The following BUD31 variants were observed in gnomAD, a reference collection of about 807,000 sequenced individuals.
BUD31 encodes BUD31 spliceosome associated protein, also known as protein BUD31 homolog.
A neutral mutation model predicts 17.9 loss-of-function variants in BUD31; 9 were observed. That is an observed-to-expected ratio of 0.50 (90% CI 0.30 to 0.88). The LOEUF is 0.88. BUD31 is among the 40% of genes least tolerant of loss of function. BUD31 has a pLI of 0.06. For synonymous variants in BUD31, 70 were observed against 64.7 expected, an observed-to-expected ratio of 1.08 and a Z score of -0.39; for missense variants, 148 against 184.5, an observed-to-expected ratio of 0.80 and a Z score of 1.15.
rs538348305 is a variant in BUD31 at position 99,410,125 on chromosome 7, G to A, written c.-74G>A. On this transcript the variant is annotated 5_prime_UTR_variant, in exon 2 of 6. Transcript: ENST00000222969. ...AATCCAAGCCTGCAACTGCAGAGAC[G>A]AGAGATCTTTCTGCTGTCTATACTC... 6 of 152,252 alleles carry A rather than the reference G, an allele frequency of 3.9e-5. No individual in the cohort carries two copies. The highest frequency in any genetic ancestry group is 3.9e-4 in the Admixed American group (6 of 15,306). The allele number at this position is 152,252 out of a possible 1,614,324, so 9.4% of individuals were successfully genotyped here.
intron 3 of BUD31, 185 bp downstream of exon 3, chr7:99,411,371 G>T: frequency 1.8e-6 from 1 of 542,994 alleles, no homozygotes; most frequent in Non-Finnish European, 3.2e-6. Context: ...TTAATGAAAA[G>T]GTCCTCAGAA....
Position 99,408,985 on chromosome 7 carries a change from C to G in BUD31, c.-426C>G, listed in dbSNP as rs1224024314. On this transcript the variant is annotated 5_prime_UTR_variant, in exon 1 of 6. Transcript: ENST00000222969. ...AAGCCTTCTGTCGAGAAGCAGCTAC[C>G]CAAGCTCCAGGAGCTTCCGGTATGT... is the stretch of plus-strand genomic sequence containing the variant. The G allele has an allele frequency of 6.3e-6, 1 of 158,062 alleles. No individual in the cohort carries two copies. The highest frequency in any genetic ancestry group is 6.5e-5 in the Admixed American group (1 of 15,440). 9.8% of individuals were successfully genotyped at this position (158,062 alleles called of 1,614,324 possible).
At position 99,415,093 on chromosome 7, in the gene BUD31, G is replaced by C. The variant is rs182493403; in HGVS notation, c.95-1045G>C. The stretch of plus-strand genomic sequence containing the variant: ...CGGTGGGTTTCTCCCCGTGTGTGGA[G>C]ACGAGAGAGCGTAGAAATAAAGACA... On this transcript the variant is annotated intron_variant, in intron 3 of 5. Transcript: ENST00000222969. 5.0e-4 allele frequency: 205 copies of C among 406,924 alleles called. 1 individual carries two copies. The highest frequency in any genetic ancestry group is 4.3e-3 in the Admixed American group (149 of 35,050). 25.2% of individuals were successfully genotyped at this position (406,924 alleles called of 1,614,324 possible).
rs747909983 is a variant in BUD31 at position 99,416,278 on chromosome 7, C to CGA, written c.217+18_217+19insGA. 1 of 1,606,976 alleles carries CGA rather than the reference C, an allele frequency of 6.2e-7. No homozygotes were observed. Among genetic ancestry groups the CGA allele is most frequent in the South Asian group, 1.1e-5 (1 of 90,792 alleles). Reference sequence around the variant, plus strand: ...CAGCAGAGGTAATTAGTCAGTCTCTCTTGGACTTTGAAGCTCGCGTCACTT... The same window carrying CGA: ...CAGCAGAGGTAATTAGTCAGTCTCTCGATTGGACTTTGAAGCTCGCGTCACTT... On this transcript the variant is annotated intron_variant, in intron 4 of 5. Coordinates refer to ENST00000222969, the MANE Select transcript of BUD31 (RefSeq NM_003910.4).
rs561904915 is a variant in BUD31, at chr7:99,415,068, C to T, written c.95-1070C>T. On this transcript the variant is annotated intron_variant, in intron 3 of 5. Transcript: ENST00000222969. The stretch of plus-strand genomic sequence containing the variant: ...TCTGTAGGGTCCAGCCCCACAGGGT[C>T]GGTGGGTTTCTCCCCGTGTGTGGAG... 207 of 364,810 alleles carry T rather than the reference C, an allele frequency of 5.7e-4. 1 individual carries two copies. Among genetic ancestry groups the T allele is most frequent in the East Asian group, 1.7e-4 (2 of 12,030 alleles). The allele number at this position is 364,810 out of a possible 1,614,324, so 22.6% of individuals were successfully genotyped here. A position where few individuals can be genotyped will look rare whatever the true frequency, so the allele number is the denominator to read the frequency against.
chr7:99,414,336 C>T (rs1795302998), intron 3 of BUD31, among the ~76,000 whole-genome samples: 1 of 152,110 alleles, frequency 6.6e-6, no homozygotes, highest in South Asian at 2.1e-4. Context: ...GATGGGGTTT[C>T]ACCACGTTGG....
At chr7:99,412,657 G>A (rs1795235218) in intron 3 of BUD31, among the ~76,000 whole-genome samples, 1 of 151,246 alleles carries the variant, frequency 6.6e-6, no homozygotes, top group African/African-American at 2.4e-5. Context: ...TGTCACCCAG[G>A]CTGGAGTGCA....
At chr7:99,418,081 C>G in intron 5 of BUD31, 1 of 762,096 alleles carries the variant, frequency 1.3e-6, no homozygotes, top group Non-Finnish European at 1.7e-6. Context: ...GGTTCTCCTG[C>G]CTCATCCTCC....
intron 3 of BUD31, among the ~76,000 whole-genome samples, chr7:99,415,576 C>A (rs971007434): frequency 1.3e-5 from 2 of 151,960 alleles, no homozygotes; most frequent in African/African-American, 4.8e-5. Flanking sequence ...TCTCTAAACT[C>A]CCCCGGGGAA....
Position 99,419,371 on chromosome 7 carries a change from A to G in BUD31, c.385-20A>G, listed in dbSNP as rs1276062588. 2 of 1,612,642 alleles carry G rather than the reference A, an allele frequency of 1.2e-6. No homozygotes were observed. The highest frequency in any genetic ancestry group is 1.1e-5 in the South Asian group (1 of 91,082). ...GAGCGTGGCGCAGTGGCATCGTCTC[A>G]CTGTCCTCCTCCGTTGCAGGGCCGC... is the stretch of plus-strand genomic sequence containing the variant. On this transcript the variant is annotated intron_variant, in intron 5 of 5. Transcript: ENST00000222969.
chr7:99,409,453 C>T (rs961709013), intron 1 of BUD31, among the ~76,000 whole-genome samples: 1 of 152,110 alleles, frequency 6.6e-6, no homozygotes, highest in African/African-American at 2.4e-5. Flanking sequence ...GATCTGGTTA[C>T]CGCCTACCAT....
At chr7:99,414,582 T>C (rs964698746) in intron 3 of BUD31, among the ~76,000 whole-genome samples, 1 of 152,112 alleles carries the variant, frequency 6.6e-6, no homozygotes, top group Non-Finnish European at 1.5e-5. Flanking sequence ...AATATATCAG[T>C]ACTTACTTCA....
chr7:99,419,090 C>T, intron 5 of BUD31: 1 of 446,696 alleles, frequency 2.2e-6, no homozygotes, highest in Non-Finnish European at 4.1e-6. Flanking sequence ...GTCATGCTCA[C>T]TTAGCAGAAT....
intron 5 of BUD31, 149 bp downstream of exon 5, chr7:99,417,744 G>A: frequency 6.5e-7 from 1 of 1,535,050 alleles, no homozygotes; most frequent in East Asian, 2.4e-5. Context: ...GTGGGTCCCT[G>A]TATTCAGGAA....
At chr7:99,413,603 GT>G (rs1008067461) in intron 3 of BUD31, among the ~76,000 whole-genome samples, 1 of 150,816 alleles carries the variant, frequency 6.6e-6, no homozygotes, top group East Asian at 1.9e-4. Flanking sequence ...GTTTTGTTTT[GT>G]TTTTTTTTGA....
Position 99,419,390 on chromosome 7 carries a change from G to A in BUD31, c.385-1G>A. 6.2e-7 allele frequency: 1 copy of A among 1,613,068 alleles called. No individual in the cohort carries two copies. Among genetic ancestry groups the A allele is most frequent in the Non-Finnish European group, 8.5e-7 (1 of 1,180,010 alleles). On this transcript the variant is annotated splice_acceptor_variant, in intron 5 of 5. Transcript: ENST00000222969. LOFTEE classifies it high-confidence loss of function. ...CGTCTCACTGTCCTCCTCCGTTGCA[G>A]GGCCGCATCATCGAGTGCACACACT...
intron 2 of BUD31, among the ~76,000 whole-genome samples, chr7:99,410,487 C>T (rs549426483): frequency 3.3e-5 from 5 of 151,812 alleles, no homozygotes; most frequent in African/African-American, 9.7e-5. Context: ...ATCTCAGCCT[C>T]CCAAGGTGCT....
intron 4 of BUD31, 64 bp from the exon 5 acceptor site, chr7:99,417,365 T>C: frequency 6.4e-7 from 1 of 1,564,354 alleles, no homozygotes; most frequent in Non-Finnish European, 8.8e-7. Context: ...AATGCTTTTT[T>C]TGATCAAGGG....
intron 3 of BUD31, among the ~76,000 whole-genome samples, chr7:99,413,094 G>A (rs973491554): frequency 2.0e-5 from 3 of 152,032 alleles, no homozygotes; most frequent in African/African-American, 2.4e-5. Flanking sequence ...AGCAAGTCAC[G>A]TCTTAACATG....
Sources: gnomAD v4.1 joint callset for allele counts (sites outside exome capture counted in the v4.1 genomes callset) on GRCh38, gnomAD v4.1.1 for gene constraint, MANE v1.5 for transcripts, NCBI Gene and HGNC (gene_info 2026-07-23, HGNC 2026-07-21) for gene names.